The following CADM2 variants were observed in gnomAD, a reference collection of about 807,000 sequenced individuals.
CADM2 encodes cell adhesion molecule 2, also known as immunoglobulin superfamily member 4D.
Under a neutral mutation model 49.8 loss-of-function variants are expected in CADM2, and 12 were observed. The observed-to-expected ratio is 0.24, with a 90% confidence interval of 0.15 to 0.39. The LOEUF is 0.39. Among genes scored for constraint, CADM2 ranks in the 10% least tolerant of loss-of-function variants. The pLI is 1.00. For synonymous variants in CADM2, 214 were observed against 175.4 expected, an observed-to-expected ratio of 1.22 and a Z score of -1.74; for missense variants, 378 against 492.3, an observed-to-expected ratio of 0.77 and a Z score of 2.20.
intron 1 of CADM2, among the ~76,000 whole-genome samples, chr3:85,079,636 T>A (rs1484751218): frequency 6.6e-6 from 1 of 151,852 alleles, no homozygotes; most frequent in Non-Finnish European, 1.5e-5. Flanking sequence ...TGCAACACAG[T>A]CATTATCCTT....
At chr3:85,294,722 A>T (rs527447569) in intron 1 of CADM2, among the ~76,000 whole-genome samples, 1 of 151,536 alleles carries the variant, frequency 6.6e-6, no homozygotes, top group East Asian at 1.9e-4. Flanking sequence ...GGTGCTGGGA[A>T]AACTGGCTAG....
chr3:85,871,630 G>C (rs534120577), intron 3 of CADM2, among the ~76,000 whole-genome samples: 67 of 152,214 alleles, frequency 4.4e-4, no homozygotes, highest in Non-Finnish European at 9.0e-4. Context: ...ATAAAAGGTA[G>C]AAAAATCTAT....
intron 8 of CADM2, chr3:85,993,023 A>G (rs1728975045): frequency 6.6e-6 from 1 of 152,130 alleles, no homozygotes; most frequent in East Asian, 1.9e-4. Context: ...GTAATATTCT[A>G]AATCCTTTGT....
chr3:85,066,978 T>C (rs898613294), intron 1 of CADM2, among the ~76,000 whole-genome samples: 2 of 152,164 alleles, frequency 1.3e-5, no homozygotes, highest in Non-Finnish European at 2.9e-5. Flanking sequence ...TTGGTTTTCG[T>C]TTCCACAGGG....
At chr3:85,508,453 C>T (rs1017767054) in intron 1 of CADM2, among the ~76,000 whole-genome samples, 2 of 152,154 alleles carry the variant, frequency 1.3e-5, no homozygotes, top group Admixed American at 6.5e-5. Flanking sequence ...ACAGAGACTA[C>T]ACTTTAAAAA....
At chr3:84,998,474 A>G (rs778407053) in intron 1 of CADM2, among the ~76,000 whole-genome samples, 1 of 152,166 alleles carries the variant, frequency 6.6e-6, no homozygotes, top group Non-Finnish European at 1.5e-5. Context: ...ACATTTAACA[A>G]TAAGGGACAG....
At chr3:85,422,821 C>T (rs533066819) in intron 1 of CADM2, among the ~76,000 whole-genome samples, 21 of 151,708 alleles carry the variant, frequency 1.4e-4, no homozygotes, top group Admixed American at 6.6e-4. Context: ...GGAGCTGGGG[C>T]GAGCGCTTTG....
At chr3:85,800,564 G>A (rs968674382) in intron 2 of CADM2, 1 of 152,622 alleles carries the variant, frequency 6.6e-6, no homozygotes, top group African/African-American at 2.4e-5. Context: ...CTCCTGGTCT[G>A]TGGGTTGCAA....
At chr3:85,307,805 T>C (rs894185812) in intron 1 of CADM2, among the ~76,000 whole-genome samples, 1 of 151,772 alleles carries the variant, frequency 6.6e-6, no homozygotes, top group African/African-American at 2.4e-5. Context: ...AAATGAACTA[T>C]TTTTAAAATT....
At chr3:85,253,325 G>T (rs1260755872) in intron 1 of CADM2, among the ~76,000 whole-genome samples, 2 of 152,028 alleles carry the variant, frequency 1.3e-5, no homozygotes, top group South Asian at 2.1e-4. Flanking sequence ...GGCTTTGGTA[G>T]ATCAAGTTAA....
intron 1 of CADM2, among the ~76,000 whole-genome samples, chr3:85,422,439 G>A (rs1472062665): frequency 4.0e-5 from 6 of 151,842 alleles, no homozygotes; most frequent in South Asian, 2.1e-4. Flanking sequence ...CACCACGCCC[G>A]GCTAATTTTT....
At chr3:84,971,254 C>T (rs1364213846) in intron 1 of CADM2, among the ~76,000 whole-genome samples, 1 of 152,076 alleles carries the variant, frequency 6.6e-6, no homozygotes, top group Non-Finnish European at 1.5e-5. Context: ...ACAAATATTA[C>T]ACTAAAAGTA....
intron 1 of CADM2, among the ~76,000 whole-genome samples, chr3:85,004,726 A>G (rs1405351552): frequency 6.6e-6 from 1 of 152,184 alleles, no homozygotes; most frequent in Non-Finnish European, 1.5e-5. Context: ...AGTCAGCTGA[A>G]TTCAAAATTT....
intron 1 of CADM2, among the ~76,000 whole-genome samples, chr3:85,510,852 C>T (rs1416607164): frequency 6.6e-6 from 1 of 151,642 alleles, no homozygotes; most frequent in African/African-American, 2.4e-5. Context: ...AAATATAATT[C>T]CTGGTCACAA....
chr3:85,109,964 C>T (rs1043693741), intron 1 of CADM2, among the ~76,000 whole-genome samples: 4 of 151,880 alleles, frequency 2.6e-5, no homozygotes, highest in African/African-American at 9.7e-5. Context: ...AAGAAATCTA[C>T]TTTAAGACAA....
intron 1 of CADM2, among the ~76,000 whole-genome samples, chr3:85,546,040 A>G (rs1373836435): frequency 6.6e-6 from 1 of 152,196 alleles, no homozygotes; most frequent in Non-Finnish European, 1.5e-5. Flanking sequence ...CACATTCTAT[A>G]CCTAAAATAT....
Position 85,892,475 on chromosome 3 carries a change from G to A in CADM2, c.529+6148G>A, listed in dbSNP as rs1714583169. On this transcript the variant is annotated intron_variant, in intron 5 of 9. Coordinates refer to ENST00000383699, the MANE Select transcript of CADM2 (RefSeq NM_001167675.2). ...GGGAAGGACTTGGTGGGAGGTAATT[G>A]AATCATGGGGGTGTGTTTTTCCCAT... Among the ~76,000 whole-genome samples the A allele has an allele frequency of 5.9e-5, 9 of 152,238 alleles. No homozygotes were observed. In the South Asian group the frequency reaches 1.9e-3, roughly 32 times the overall value.
intron 1 of CADM2, among the ~76,000 whole-genome samples, chr3:85,045,172 C>T (rs977513061): frequency 2.0e-5 from 3 of 152,088 alleles, no homozygotes; most frequent in Admixed American, 6.6e-5. Context: ...TACCTTAACT[C>T]GTTGGACACT....
intron 1 of CADM2, among the ~76,000 whole-genome samples, chr3:85,213,409 T>G (rs985324485): frequency 1.3e-5 from 2 of 152,126 alleles, no homozygotes; most frequent in African/African-American, 4.8e-5. Context: ...TCTCCTGGCC[T>G]ATAAGATTTC....
Sources: gnomAD v4.1 joint callset for allele counts (sites outside exome capture counted in the v4.1 genomes callset) on GRCh38, gnomAD v4.1.1 for gene constraint, MANE v1.5 for transcripts, NCBI Gene and HGNC (gene_info 2026-07-23, HGNC 2026-07-21) for gene names.